PPL: variants seen among roughly 807,000 people sequenced by gnomAD.
The protein encoded by PPL is periplakin, also known as 190 kDa paraneoplastic pemphigus antigen.
A neutral mutation model predicts 194.4 loss-of-function variants in PPL; 198 were observed. The ratio of observed to expected loss-of-function variants is 1.02; its 90% CI spans 0.91 to 1.15. The LOEUF (loss-of-function observed/expected upper bound fraction) is 1.15. PPL is among the 50% of genes most tolerant of loss of function. The pLI is 0.00. For synonymous variants in PPL, 1,220 were observed against 972.4 expected, an observed-to-expected ratio of 1.25 and a Z score of -4.74; for missense variants, 2,885 against 2,294.8, an observed-to-expected ratio of 1.26 and a Z score of -5.25.
intron 9 of PPL, among the ~76,000 whole-genome samples, chr16:4,896,717 G>A (rs1284234655): frequency 6.8e-6 from 1 of 147,736 alleles, no homozygotes; most frequent in Non-Finnish European, 1.5e-5. Context: ...TCAGCTCACT[G>A]CAACCTCTGC....
intron 1 of PPL, among the ~76,000 whole-genome samples, chr16:4,928,473 T>C (rs2089187354): frequency 6.6e-6 from 1 of 152,212 alleles, no homozygotes; most frequent in African/African-American, 2.4e-5. Context: ...CTTTGTAAGA[T>C]AAAACACACC....
chr16:4,900,768 C>T lies in PPL; in HGVS notation c.606+62G>A, dbSNP rs552064454. ...TTAAAACAATACATCCTTGTCCCCC[C>T]GACTCCAAGCTTCCCATCCTCTCCT... On this transcript the variant is annotated intron_variant, in intron 6 of 21. Coordinates refer to ENST00000345988, the MANE Select transcript of PPL (RefSeq NM_002705.5). 1.4e-4 allele frequency: 227 copies of T among 1,607,064 alleles called. 1 individual carries two copies. The East Asian group carries it at 3.5e-3, about 25-fold the overall frequency.
chr16:4,888,169 T>C lies in PPL; in HGVS notation c.2447A>G (p.Asn816Ser). 6.2e-7 allele frequency: 1 copy of C among 1,613,850 alleles called. No individual in the cohort carries two copies. Among genetic ancestry groups the C allele is most frequent in the Non-Finnish European group, 8.5e-7 (1 of 1,179,744 alleles). ...CTTGCTCACGTGGCTTCTCCTTCCA[T>C]TCTCCAAGTCGAGAAGAGACCTTAG... ...EKLRSLLDLE[N>S]GRRSHVSKRA... The change falls in exon 20 of 22, where the codon AAT becomes AGT. Residue 816 changes from asparagine (N) to serine (S), a missense_variant. Transcript: ENST00000345988.
chr16:4,929,030 A>G (rs2089194835), intron 1 of PPL, among the ~76,000 whole-genome samples: 1 of 150,888 alleles, frequency 6.6e-6, no homozygotes, highest in African/African-American at 2.4e-5. Context: ...AAAAAAAAAA[A>G]AAAAAAAAAA....
intron 19 of PPL, 150 bp downstream of exon 19, chr16:4,888,827 GC>G: frequency 1.4e-6 from 1 of 732,910 alleles, no homozygotes; most frequent in East Asian, 2.5e-5. Flanking sequence ...TTTCCCAAAA[GC>G]CTGTGCCAGT....
At chr16:4,894,749 G>A (rs1418018328) in intron 11 of PPL, 131 bp from the exon 12 acceptor site, 1 of 1,032,754 alleles carries the variant, frequency 9.7e-7, no homozygotes, top group Non-Finnish European at 1.4e-6. Flanking sequence ...CCCGTAGAGT[G>A]GGGAGGGGCA....
At position 4,895,330 on chromosome 16, in the gene PPL, G is replaced by A. The variant is rs1972610411; in HGVS notation, c.1173C>T (p.Leu391=). Residue 391 remains leucine (L), a synonymous_variant, in exon 11 of 22, where the codon CTC becomes CTT. Coordinates refer to ENST00000345988, the MANE Select transcript of PPL (RefSeq NM_002705.5). ...LQKRGQQVVP[L]KYRRETPLKP... ...TGAGCGGAGTCTCCCGGCGGTACTT[G>A]AGGGGCACCACCTGCTGGCCTCGCT... is the stretch of plus-strand genomic sequence containing the variant. 1 of 1,613,420 alleles carries A rather than the reference G, an allele frequency of 6.2e-7. No homozygotes were observed. Among genetic ancestry groups the A allele is most frequent in the East Asian group, 2.2e-5 (1 of 44,880 alleles).
At chr16:4,905,398 A>T (rs1484014720) in intron 2 of PPL, among the ~76,000 whole-genome samples, 1 of 152,114 alleles carries the variant, frequency 6.6e-6, no homozygotes, top group Non-Finnish European at 1.5e-5. Flanking sequence ...GTCCAGAGAG[A>T]TGGAAAGTCA....
rs747834574 is a variant in PPL, at chr16:4,885,430, C to G, written c.3225G>C (p.Glu1075Asp). 3.1e-6 allele frequency: 5 copies of G among 1,612,668 alleles called. No homozygotes were observed. The highest frequency in any genetic ancestry group is 4.2e-6 in the Non-Finnish European group (5 of 1,179,994). Residue 1075 changes from glutamate to aspartate, a missense_variant, in exon 22 of 22, where the codon GAG (glutamate) becomes GAC (aspartate). Physicochemically the swap from Glu to Asp is conservative, Grantham distance 45. Transcript: ENST00000345988. This position sits in a 1 kb window ranked among gnomAD's most constrained non-coding sequence, Gnocchi z 6.3. ...QLEAEYQQLQ[E>D]DHQRQDQLRE... ...TGAGCTGGTCCTGGCGCTGGTGGTC[C>G]TCCTGCAGCTGCTGGTACTCTGCCT...
chr16:4,903,880 AC>A lies in PPL; in HGVS notation c.317+5del. ...TCCCCTGGGGTAAGAAGCAGAAGGG[AC>A]CTACTCCTCGGCGATCATGTCCCCC... is the stretch of plus-strand genomic sequence containing the variant. On this transcript the variant is annotated splice_donor_5th_base_variant and intron_variant, in intron 3 of 21. Transcript: ENST00000345988. The A allele has an allele frequency of 6.2e-7, 1 of 1,613,766 alleles. No homozygotes were observed. Among genetic ancestry groups the A allele is most frequent in the African/African-American group, 1.3e-5 (1 of 75,036 alleles).
At chr16:4,893,026 G>A in intron 14 of PPL, 187 bp downstream of exon 14, 1 of 668,510 alleles carries the variant, frequency 1.5e-6, no homozygotes, top group South Asian at 2.7e-5. Context: ...TCTTTCTCCT[G>A]GGGAGGTAAT....
intron 1 of PPL, among the ~76,000 whole-genome samples, chr16:4,924,833 A>G (rs1019007064): frequency 6.6e-6 from 1 of 151,560 alleles, no homozygotes; most frequent in African/African-American, 2.4e-5. Flanking sequence ...CCAGGCTGCG[A>G]GAGCAGCCAC....
At chr16:4,901,586 G>C (rs944528168) in intron 4 of PPL, among the ~76,000 whole-genome samples, 1 of 152,040 alleles carries the variant, frequency 6.6e-6, no homozygotes, top group African/African-American at 2.4e-5. Context: ...CTACTTGAGA[G>C]GCTGAGGTGG....
intron 12 of PPL, among the ~76,000 whole-genome samples, chr16:4,894,238 T>C (rs2088375429): frequency 6.6e-6 from 1 of 152,098 alleles, no homozygotes. Context: ...GCTTAGAAAC[T>C]CGTGAGGGGG....
chr16:4,902,519 G>A lies in PPL; in HGVS notation c.325C>T (p.Gln109Ter), dbSNP rs1382084376. Residue 109 changes from glutamine (Q) to a stop codon, truncating the protein, a stop_gained, in exon 4 of 22, where the codon CAG becomes TAG. Transcript: ENST00000345988. LOFTEE classifies it high-confidence loss of function. The surrounding 1 kb of genome is among the most constrained non-coding windows in gnomAD (Gnocchi z 4.0). Reference protein sequence around the residue: ...QGDMIAEDIRQLKERVTNLRG... With the variant: ...QGDMIAEDIR ...AGGTTGGTCACACGCTCCTTCAGCT[G>A]GCGGATACTGATGGGAGAGAGGCTC... 5 of 1,613,242 alleles carry A rather than the reference G, an allele frequency of 3.1e-6. No individual in the cohort carries two copies. The African/African-American group carries it at 4.0e-5, about 13-fold the overall frequency.
chr16:4,882,702 ACAGCAG>A lies in PPL; in HGVS notation c.*676_*681del. 1 of 152,350 alleles carries A rather than the reference ACAGCAG, an allele frequency of 6.6e-6. No homozygotes were observed. Among genetic ancestry groups the A allele is most frequent in the East Asian group, 1.9e-4 (1 of 5,202 alleles). The allele number at this position is 152,350 out of a possible 1,614,324, so 9.4% of individuals were successfully genotyped here. A position where few individuals can be genotyped will look rare whatever the true frequency, so the allele number is the denominator to read the frequency against. On this transcript the variant is annotated 3_prime_UTR_variant, in exon 22 of 22. Coordinates refer to ENST00000345988, the MANE Select transcript of PPL (RefSeq NM_002705.5). ...TTGTAAAGCACTGAAACTAAGGCTA[ACAGCAG>A]CACAATCCACTATCAAAGGATTTAA...
Position 4,885,341 on chromosome 16 carries a change from C to T in PPL, c.3314G>A (p.Arg1105Gln), listed in dbSNP as rs143485528. Residue 1105 changes from arginine to glutamine, a missense_variant, in exon 22 of 22, where the codon CGG becomes CAG. Arg to Gln is a conservative substitution (Grantham distance 43, BLOSUM62 1). Transcript: ENST00000345988. This position sits in a 1 kb window ranked among gnomAD's most constrained non-coding sequence, Gnocchi z 6.3. Reference protein sequence around the residue: ...QDKLKRLEKERAMAEGKITVK... With the variant: ...QDKLKRLEKEQAMAEGKITVK... ...GGTGATCTTGCCCTCGGCCATGGCC[C>T]GCTCCTTCTCTAGCCTCTTGAGCTT... is the stretch of plus-strand genomic sequence containing the variant. The T allele has an allele frequency of 4.0e-5, 64 of 1,612,616 alleles. No individual in the cohort carries two copies. In the South Asian group the frequency reaches 4.6e-4, roughly 12 times the overall value.
intron 1 of PPL, among the ~76,000 whole-genome samples, chr16:4,917,624 G>A (rs1487401490): frequency 6.6e-6 from 1 of 152,318 alleles, no homozygotes; most frequent in South Asian, 2.1e-4. Context: ...CACTGGGCTG[G>A]GCGTGGTGGC....
intron 2 of PPL, among the ~76,000 whole-genome samples, chr16:4,910,305 C>T (rs772824705): frequency 1.3e-5 from 2 of 152,160 alleles, no homozygotes; most frequent in Non-Finnish European, 2.9e-5. Flanking sequence ...ATGATATTGA[C>T]GATAATAGCC....
Sources: allele counts gnomAD v4.1 joint callset (sites outside exome capture counted in the v4.1 genomes callset), GRCh38; gene constraint gnomAD v4.1.1; non-coding constraint Gnocchi (gnomAD v3.1); transcripts MANE v1.5; gene names NCBI Gene and HGNC (gene_info 2026-07-23, HGNC 2026-07-21).